The following MAGI1 variants were observed in gnomAD, a reference collection of about 807,000 sequenced individuals.
MAGI1 encodes the protein membrane associated guanylate kinase, WW and PDZ domain containing 1, also known as membrane-associated guanylate kinase, WW and PDZ domain-containing protein 1.
Under a neutral mutation model 139.9 loss-of-function variants are expected in MAGI1, and 58 were observed. The ratio of observed to expected loss-of-function variants is 0.41; its 90% CI spans 0.34 to 0.52. The LOEUF (loss-of-function observed/expected upper bound fraction) is 0.52. Ranked by LOEUF, MAGI1 falls within the 20% of genes least tolerant of loss-of-function variation. The pLI, the probability that MAGI1 is intolerant of heterozygous loss-of-function variation, is 0.12. For synonymous variants in MAGI1, 812 were observed against 737.9 expected (o/e 1.10, Z -1.63); for missense variants, 1,874 against 1,901.6 (o/e 0.99, Z 0.27).
In MAGI1 at chr3:65,853,020, G is replaced by A. The variant is rs149645537; in HGVS notation, c.313+184976C>T. Among the ~76,000 whole-genome samples the A allele has an allele frequency of 7.7e-3, 1,157 of 151,224 alleles. 17 individuals carry two copies. The highest frequency in any genetic ancestry group is 0.026 in the African/African-American group (1,083 of 41,292). ...AAAAATTAGCCGGGCATGGTGGCACGTGCCTGTAGTCCCAACTACTCGGGA... is the reference window on the plus strand; with the variant it reads ...AAAAATTAGCCGGGCATGGTGGCACATGCCTGTAGTCCCAACTACTCGGGA... On this transcript the variant is annotated intron_variant, in intron 1 of 22. Coordinates refer to ENST00000402939, the MANE Select transcript of MAGI1 (RefSeq NM_001033057.2).
chr3:65,880,855 T>C (rs1343933220), intron 1 of MAGI1, among the ~76,000 whole-genome samples: 3 of 151,750 alleles, frequency 2.0e-5, no homozygotes, highest in Non-Finnish European at 4.4e-5. Flanking sequence ...CTCAGCAATA[T>C]CTCATCACTT....
intron 1 of MAGI1, among the ~76,000 whole-genome samples, chr3:65,926,316 G>A (rs953885827): frequency 7.6e-6 from 1 of 130,792 alleles, no homozygotes; most frequent in African/African-American, 3.0e-5. Flanking sequence ...ATCCAAGACT[G>A]AAGTCTTCTT....
chr3:65,465,947 T>C (rs758375951), intron 5 of MAGI1, among the ~76,000 whole-genome samples: 2 of 152,162 alleles, frequency 1.3e-5, no homozygotes, highest in African/African-American at 2.4e-5. Flanking sequence ...CTCTCTATTG[T>C]TCTTATTGGG....
Position 65,924,761 on chromosome 3 carries a change from G to A in MAGI1, c.313+113235C>T, listed in dbSNP as rs189755910. 19 of 152,532 alleles carry A rather than the reference G, an allele frequency of 1.2e-4. No homozygotes were observed. In the East Asian group the frequency reaches 2.9e-3, roughly 23 times the overall value. 9.4% of individuals were successfully genotyped at this position (152,532 alleles called of 1,614,324 possible). A position where few individuals can be genotyped will look rare whatever the true frequency, so the allele number is the denominator to read the frequency against. ...GCTTCAGTTTTCTTATATATCAAAT[G>A]AGAATAAACAGCCATGCCTACCTCA... On this transcript the variant is annotated intron_variant, in intron 1 of 22. Coordinates refer to ENST00000402939, the MANE Select transcript of MAGI1 (RefSeq NM_001033057.2).
At position 65,401,764 on chromosome 3, in the gene MAGI1, C is replaced by A. The variant is rs1023475036; in HGVS notation, c.2168-294G>T. On this transcript the variant is annotated intron_variant, in intron 12 of 22. Transcript: ENST00000402939. ...GACCTCAGCGGCCTGGGAAATTGAA[C>A]ACTTGGACAGAATCTCAAATGCTCT... 9 of 1,405,290 alleles carry A rather than the reference C, an allele frequency of 6.4e-6. No homozygotes were observed. In the African/African-American group the frequency reaches 1.2e-4, roughly 18 times the overall value. The allele number at this position is 1,405,290 out of a possible 1,614,324, so 87.1% of individuals were successfully genotyped here.
At chr3:65,802,003 A>G (rs12490028) in intron 1 of MAGI1, among the ~76,000 whole-genome samples, 41,083 of 151,704 alleles carry the variant, frequency 0.27, 5,915 homozygotes, top group East Asian at 0.45. Flanking sequence ...TCTAGGTTGG[A>G]CACTCCTTAT....
intron 2 of MAGI1, among the ~76,000 whole-genome samples, chr3:65,529,853 C>G (rs2078560395): frequency 1.3e-5 from 2 of 152,054 alleles, no homozygotes; most frequent in Non-Finnish European, 2.9e-5. Flanking sequence ...AATATACACA[C>G]AGTAGCTCAT....
chr3:65,519,069 C>T (rs1422910154), intron 2 of MAGI1, among the ~76,000 whole-genome samples: 1 of 152,092 alleles, frequency 6.6e-6, no homozygotes, highest in Non-Finnish European at 1.5e-5. Flanking sequence ...TAACACCAAA[C>T]GCAAATGTCC....
intron 2 of MAGI1, among the ~76,000 whole-genome samples, chr3:65,600,585 G>A (rs1223393075): frequency 4.6e-5 from 7 of 152,104 alleles, no homozygotes; most frequent in South Asian, 2.1e-4. Flanking sequence ...CTCTTTTGTC[G>A]CACACACAAA....
intron 13 of MAGI1, among the ~76,000 whole-genome samples, chr3:65,393,913 C>A (rs1944153908): frequency 6.6e-6 from 1 of 152,178 alleles, no homozygotes. Flanking sequence ...CTAACTCAAA[C>A]CTTTTCCACT....
At chr3:65,665,921 T>C (rs368479002) in intron 1 of MAGI1, among the ~76,000 whole-genome samples, 3 of 152,212 alleles carry the variant, frequency 2.0e-5, no homozygotes, top group Non-Finnish European at 2.9e-5. Context: ...CTGTATACCA[T>C]AGAGCGCCTT....
intron 2 of MAGI1, among the ~76,000 whole-genome samples, chr3:65,616,754 C>A (rs1294860834): frequency 6.6e-6 from 1 of 152,130 alleles, no homozygotes; most frequent in African/African-American, 2.4e-5. Flanking sequence ...GAGTTATGAC[C>A]GGAAGCATTC....
intron 1 of MAGI1, among the ~76,000 whole-genome samples, chr3:65,875,824 C>A (rs1207771091): frequency 6.6e-6 from 1 of 152,180 alleles, no homozygotes; most frequent in African/African-American, 2.4e-5. Flanking sequence ...CCTGTCTCAG[C>A]TCGTTAAATT....
chr3:65,430,827 G>C lies in MAGI1; in HGVS notation c.1418C>G (p.Thr473Arg), dbSNP rs1362609263. The change falls in exon 11 of 23, where the codon ACA (threonine) becomes AGA (arginine). Residue 473 changes from threonine to arginine, a missense_variant. Around this residue, in one of 5 missense-constraint regions of MAGI1, gnomAD observed 648 missense variants for 598.1 expected, o/e 1.08. Coordinates refer to ENST00000402939, the MANE Select transcript of MAGI1 (RefSeq NM_001033057.2). ...GCCACGACTGCTTTTCCGCAGCTTT[G>C]TGTGAATGAACTTGCCTTTCAACTC... ...PSELKGKFIH[T>R]KLRKSSRGFG... 4 of 1,613,556 alleles carry C rather than the reference G, an allele frequency of 2.5e-6. No homozygotes were observed. The highest frequency in any genetic ancestry group is 1.1e-5 in the South Asian group (1 of 91,046).
chr3:65,514,139 C>T (rs1165328924), intron 2 of MAGI1, among the ~76,000 whole-genome samples: 2 of 150,586 alleles, frequency 1.3e-5, no homozygotes, highest in Non-Finnish European at 3.0e-5. Context: ...CTTCCTTATA[C>T]CTTATACAAA....
At chr3:65,497,246 A>G (rs926186193) in intron 2 of MAGI1, among the ~76,000 whole-genome samples, 3 of 152,256 alleles carry the variant, frequency 2.0e-5, no homozygotes, top group South Asian at 2.1e-4. Flanking sequence ...AGTTTAGGGG[A>G]AAAAAAGCCA....
At chr3:65,460,422 T>C (rs1430838193) in intron 5 of MAGI1, among the ~76,000 whole-genome samples, 1 of 152,198 alleles carries the variant, frequency 6.6e-6, no homozygotes, top group African/African-American at 2.4e-5. Context: ...AATAGTGTAA[T>C]AGTTCAATAT....
At chr3:66,001,333 T>C (rs2066727278) in intron 1 of MAGI1, among the ~76,000 whole-genome samples, 1 of 152,142 alleles carries the variant, frequency 6.6e-6, no homozygotes, top group South Asian at 2.1e-4. Context: ...AAAAAAGATA[T>C]ATAATATCTA....
chr3:65,425,111 AAAAAAAAAAAAAAAAAAAAAAC>A lies in MAGI1; in HGVS notation c.2167+4387_2167+4408del, dbSNP rs919801810. Among the ~76,000 whole-genome samples, 30 of 13,504 alleles carry A rather than the reference AAAAAAAAAAAAAAAAAAAAAAC, an allele frequency of 2.2e-3. No homozygotes were observed. In the East Asian group the frequency reaches 0.12, roughly 55 times the overall value. The allele number at this position is 13,504 out of a possible 152,430, so 8.9% of individuals were successfully genotyped here. On this transcript the variant is annotated intron_variant, in intron 12 of 22. Coordinates refer to ENST00000402939, the MANE Select transcript of MAGI1 (RefSeq NM_001033057.2). ...AAAAACCTACCAGTAGAACTTCTAA[AAAAAAAAAAAAAAAAAAAAAAC>A]AAAAAAAAACACACATGCCTAAACA...
Sources: gnomAD v4.1 joint callset for allele counts (sites outside exome capture counted in the v4.1 genomes callset) on GRCh38, gnomAD v4.1.1 for gene constraint, gnomAD v4.1.1 regional missense constraint, MANE v1.5 for transcripts, NCBI Gene and HGNC (gene_info 2026-07-23, HGNC 2026-07-21) for gene names.